The following GPC5 variants were observed in gnomAD, a reference collection of about 807,000 sequenced individuals.
The protein encoded by GPC5 is glypican-5.
Under a neutral mutation model 53.9 loss-of-function variants are expected in GPC5, and 47 were observed. The ratio of observed to expected loss-of-function variants is 0.87; its 90% CI spans 0.69 to 1.11. The LOEUF is 1.11. GPC5 is among the 50% of genes most tolerant of loss of function. The probability of loss-of-function intolerance (pLI) is 0.00; values close to 1 mark genes in which losing one functional copy is unlikely to be tolerated. For synonymous variants in GPC5, 286 were observed against 263.3 expected (o/e 1.09, Z -0.84); for missense variants, 748 against 713.1 (o/e 1.05, Z -0.56).
chr13:92,388,732 A>T lies in GPC5; in HGVS notation c.1561+243743A>T, dbSNP rs144179483. On this transcript the variant is annotated intron_variant, in intron 7 of 7. Transcript: ENST00000377067. ...GTGGATTGGTTATTATCAGCAAGCA[A>T]AAGTAATATCTTGACTGAGCATTTT... is the stretch of plus-strand genomic sequence containing the variant. 4.6e-5 allele frequency among the ~76,000 whole-genome samples: 7 copies of T among 152,224 alleles called. 1 individual carries two copies. Among genetic ancestry groups the T allele is most frequent in the African/African-American group, 1.7e-4 (7 of 41,548 alleles).
intron 7 of GPC5, among the ~76,000 whole-genome samples, chr13:92,223,251 G>C (rs1207962961): frequency 6.6e-6 from 1 of 152,152 alleles, no homozygotes; most frequent in Non-Finnish European, 1.5e-5. Context: ...TTACTCTGCT[G>C]TTTAACACAT....
chr13:91,481,017 C>G (rs1048529424), intron 2 of GPC5, among the ~76,000 whole-genome samples: 3 of 151,710 alleles, frequency 2.0e-5, no homozygotes, highest in Non-Finnish European at 2.9e-5. Context: ...GTTGCTGATA[C>G]CAGGGCAAAT....
At chr13:91,707,061 G>A (rs1427938212) in intron 3 of GPC5, among the ~76,000 whole-genome samples, 1 of 151,900 alleles carries the variant, frequency 6.6e-6, no homozygotes, top group East Asian at 1.9e-4. Flanking sequence ...TTAAAATCAG[G>A]AATAAGACAT....
chr13:92,075,392 C>T (rs1023530455), intron 6 of GPC5, among the ~76,000 whole-genome samples: 8 of 152,108 alleles, frequency 5.3e-5, no homozygotes, highest in Admixed American at 5.2e-4. Flanking sequence ...CACTTGATAA[C>T]GGAACCTCTG....
chr13:92,800,414 T>C (rs1876858695), intron 7 of GPC5, among the ~76,000 whole-genome samples: 2 of 151,804 alleles, frequency 1.3e-5, no homozygotes, highest in South Asian at 4.1e-4. Flanking sequence ...ATTTAAGATG[T>C]TTATTTGTGA....
At chr13:91,559,228 G>C (rs2031124871) in intron 2 of GPC5, among the ~76,000 whole-genome samples, 1 of 152,228 alleles carries the variant, frequency 6.6e-6, no homozygotes, top group African/African-American at 2.4e-5. Context: ...TATGATGAAA[G>C]CCAACTGAAG....
intron 7 of GPC5, among the ~76,000 whole-genome samples, chr13:92,167,268 T>G (rs1446005800): frequency 1.3e-5 from 2 of 152,134 alleles, no homozygotes; most frequent in Non-Finnish European, 2.9e-5. Context: ...TGATCAATAT[T>G]TACAACGCTT....
intron 7 of GPC5, among the ~76,000 whole-genome samples, chr13:92,430,666 C>G (rs1401254996): frequency 1.3e-5 from 2 of 152,074 alleles, no homozygotes; most frequent in Non-Finnish European, 2.9e-5. Flanking sequence ...CAGAAAAATT[C>G]AAGAGCAGAA....
intron 7 of GPC5, among the ~76,000 whole-genome samples, chr13:92,840,092 T>TATATATATACATATATATATATATATAC (rs1566440567): frequency 3.9e-4 from 22 of 55,934 alleles, no homozygotes; most frequent in African/African-American, 1.3e-3. Context: ...TATATATATA[T>TATATATATACATATATATATATATATAC]ATATATATAT....
chr13:91,469,734 A>G (rs571115753), intron 2 of GPC5, among the ~76,000 whole-genome samples: 5 of 152,258 alleles, frequency 3.3e-5, no homozygotes, highest in Non-Finnish European at 7.4e-5. Context: ...AAAAATTCAG[A>G]TTCATCTTTT....
intron 7 of GPC5, among the ~76,000 whole-genome samples, chr13:92,839,288 T>C (rs974294411): frequency 2.0e-5 from 3 of 152,246 alleles, no homozygotes; most frequent in African/African-American, 7.2e-5. Flanking sequence ...ATCCAATGTT[T>C]GACTGTATTT....
chr13:92,287,730 G>T (rs1384578365), intron 7 of GPC5, among the ~76,000 whole-genome samples: 3 of 151,960 alleles, frequency 2.0e-5, no homozygotes, highest in Non-Finnish European at 2.9e-5. Context: ...TGGAAAGTTT[G>T]GTTATAATGT....
chr13:91,747,127 TAC>T (rs2037067279), intron 4 of GPC5, among the ~76,000 whole-genome samples: 1 of 152,226 alleles, frequency 6.6e-6, no homozygotes, highest in Non-Finnish European at 1.5e-5. Flanking sequence ...TTTATTATTT[TAC>T]ACCTTACTAA....
chr13:91,439,199 G>C (rs989264403), intron 1 of GPC5, among the ~76,000 whole-genome samples: 50 of 152,214 alleles, frequency 3.3e-4, no homozygotes, highest in African/African-American at 1.1e-3. Context: ...ATACCCAAGG[G>C]GGGGACATTT....
chr13:92,811,361 T>C (rs979861871), intron 7 of GPC5, among the ~76,000 whole-genome samples: 1 of 152,016 alleles, frequency 6.6e-6, no homozygotes, highest in African/African-American at 2.4e-5. Flanking sequence ...CTTTTTTATT[T>C]GGTTTCCCTA....
chr13:92,442,928 GA>G (rs1211260311), intron 7 of GPC5, among the ~76,000 whole-genome samples: 11 of 152,116 alleles, frequency 7.2e-5, no homozygotes, highest in African/African-American at 2.7e-4. Context: ...ATCCTTGTTA[GA>G]AATAAAGTAA....
chr13:92,859,099 A>C (rs1334630563), intron 7 of GPC5, among the ~76,000 whole-genome samples: 1 of 152,052 alleles, frequency 6.6e-6, no homozygotes, highest in Non-Finnish European at 1.5e-5. Context: ...TTTAAAAAAA[A>C]TTATCAAGGT....
chr13:92,358,477 G>A (rs940022594), intron 7 of GPC5, among the ~76,000 whole-genome samples: 1 of 151,672 alleles, frequency 6.6e-6, no homozygotes, highest in African/African-American at 2.4e-5. Flanking sequence ...TGCCCCAGTG[G>A]GGACTCGGCA....
At chr13:91,982,453 CAAA>C in intron 6 of GPC5, among the ~76,000 whole-genome samples, 1 of 139,212 alleles carries the variant, frequency 7.2e-6, no homozygotes. Context: ...TATAATGAAA[CAAA>C]ATAATAAAAA....
Sources: gnomAD v4.1 joint callset for allele counts (sites outside exome capture counted in the v4.1 genomes callset) on GRCh38, gnomAD v4.1.1 for gene constraint, MANE v1.5 for transcripts, NCBI Gene and HGNC (gene_info 2026-07-23, HGNC 2026-07-21) for gene names.